The following GTF2IRD1 variants were observed in gnomAD, a reference collection of about 807,000 sequenced individuals.
The protein encoded by GTF2IRD1 is GTF2I repeat domain containing 1, also known as general transcription factor II-I repeat domain-containing protein 1.
GTF2IRD1 carries 26 observed loss-of-function variants against 113.2 expected under a neutral mutation model. That is an observed-to-expected ratio of 0.23 (90% CI 0.17 to 0.32). The LOEUF (loss-of-function observed/expected upper bound fraction) is 0.32, where lower values mean the gene tolerates loss of function less well. Among genes scored for constraint, GTF2IRD1 ranks in the 10% least tolerant of loss-of-function variants. The pLI is 1.00. For synonymous variants in GTF2IRD1, 484 were observed against 529.1 expected (o/e 0.91, Z 1.17); for missense variants, 864 against 1,280.8 (o/e 0.67, Z 4.97).
At chr7:74,519,905 G>T (rs1304294946) in intron 6 of GTF2IRD1, among the ~76,000 whole-genome samples, 186 bp downstream of exon 6, 2 of 151,916 alleles carry the variant, frequency 1.3e-5, no homozygotes, top group Non-Finnish European at 2.9e-5. Flanking sequence ...TTGGGTCTCT[G>T]CTCAGCCATC....
intron 24 of GTF2IRD1, among the ~76,000 whole-genome samples, chr7:74,593,594 G>T (rs1395910697): frequency 6.6e-6 from 1 of 151,536 alleles, no homozygotes; most frequent in Non-Finnish European, 1.5e-5. Context: ...CTAGCCGGGC[G>T]TGGCGCAGGG....
intron 22 of GTF2IRD1, among the ~76,000 whole-genome samples, chr7:74,588,483 G>A (rs1490011951): frequency 1.1e-4 from 17 of 151,964 alleles, no homozygotes; most frequent in Non-Finnish European, 2.2e-4. Flanking sequence ...CTGCCACTCC[G>A]TCCTTCACAA....
In GTF2IRD1 at chr7:74,529,866, A is replaced by G. The variant is rs782338698; in HGVS notation, c.1223A>G (p.Lys408Arg). ...FKRPCTYGVPKLKRILEERHS... is the reference protein window; with the variant it reads ...FKRPCTYGVPRLKRILEERHS... ...CGCCCCTGCACTTATGGAGTCCCCA[A>G]GCTGAAGCGGATCCTGGAGGAGCGC... The change falls in exon 9 of 27, where the codon AAG becomes AGG. Residue 408 changes from lysine to arginine, a missense_variant. Lys to Arg is a conservative substitution (Grantham distance 26, BLOSUM62 2). Transcript: ENST00000424337. 2 of 1,614,036 alleles carry G rather than the reference A, an allele frequency of 1.2e-6. No individual in the cohort carries two copies. Among genetic ancestry groups the G allele is most frequent in the South Asian group, 1.1e-5 (1 of 91,084 alleles).
chr7:74,527,615 G>T (rs1441687259), intron 8 of GTF2IRD1, among the ~76,000 whole-genome samples: 1 of 152,246 alleles, frequency 6.6e-6, no homozygotes, highest in African/African-American at 2.4e-5. Flanking sequence ...GCCAAGGCAG[G>T]CGGATCACCT....
intron 25 of GTF2IRD1, among the ~76,000 whole-genome samples, chr7:74,600,384 A>G (rs587741351): frequency 2.0e-5 from 3 of 152,160 alleles, no homozygotes; most frequent in Admixed American, 2.0e-4. Flanking sequence ...GCACCATGGC[A>G]CTCCAGCCTG....
At chr7:74,524,724 G>A (rs1797500602) in intron 8 of GTF2IRD1, among the ~76,000 whole-genome samples, 1 of 152,060 alleles carries the variant, frequency 6.6e-6, no homozygotes, top group Admixed American at 6.6e-5. Context: ...AAATTAACTG[G>A]GTGTGGTAAT....
At chr7:74,491,663 C>CT (rs1282874092) in intron 1 of GTF2IRD1, among the ~76,000 whole-genome samples, 2 of 152,126 alleles carry the variant, frequency 1.3e-5, no homozygotes, top group African/African-American at 4.8e-5. Context: ...TGATCTTGTT[C>CT]TTTTTTGTGG....
intron 1 of GTF2IRD1, among the ~76,000 whole-genome samples, chr7:74,469,174 G>A (rs1793935414): frequency 1.3e-5 from 2 of 152,050 alleles, no homozygotes; most frequent in South Asian, 4.1e-4. Flanking sequence ...CCTGTGAGTA[G>A]GTATTTGGAG....
At chr7:74,534,979 C>T (rs1234720735) in intron 9 of GTF2IRD1, 134 bp from the exon 10 acceptor site, 22 of 721,268 alleles carry the variant, frequency 3.1e-5, no homozygotes, top group Non-Finnish European at 4.1e-5. Context: ...GCATGTCTGC[C>T]GGATGCCCAG....
At chr7:74,591,622 TGCCCGCCTCA>T (rs1368052515) in intron 24 of GTF2IRD1, among the ~76,000 whole-genome samples, 8 of 151,992 alleles carry the variant, frequency 5.3e-5, no homozygotes, top group African/African-American at 1.9e-4. Context: ...TGAAGTGATC[TGCCCGCCTCA>T]GCCTCCCAAA....
intron 2 of GTF2IRD1, among the ~76,000 whole-genome samples, chr7:74,511,405 C>T (rs1448378465): frequency 2.0e-5 from 3 of 152,320 alleles, no homozygotes; most frequent in Middle Eastern, 3.4e-3. Context: ...TTCAGCTGAG[C>T]GGTGACTGTG....
chr7:74,538,925 C>A (rs1426230416), intron 13 of GTF2IRD1, among the ~76,000 whole-genome samples, 165 bp downstream of exon 13: 6 of 152,168 alleles, frequency 3.9e-5, no homozygotes, highest in African/African-American at 1.4e-4. Flanking sequence ...ACATCTGTCC[C>A]CTGCGTTGTG....
At chr7:74,540,968 T>C (rs1467112619) in intron 14 of GTF2IRD1, among the ~76,000 whole-genome samples, 7 of 151,576 alleles carry the variant, frequency 4.6e-5, no homozygotes, top group Non-Finnish European at 8.8e-5. Flanking sequence ...TTCACCATGA[T>C]GGTCAGGCAG....
At chr7:74,565,341 A>G (rs1481984436) in intron 22 of GTF2IRD1, among the ~76,000 whole-genome samples, 18 of 152,084 alleles carry the variant, frequency 1.2e-4, no homozygotes, top group Admixed American at 1.1e-3. Flanking sequence ...CCTGGGCAAC[A>G]TGGTGAAACC....
At chr7:74,479,255 C>G (rs537712222) in intron 1 of GTF2IRD1, among the ~76,000 whole-genome samples, 1 of 152,258 alleles carries the variant, frequency 6.6e-6, no homozygotes, top group Non-Finnish European at 1.5e-5. Flanking sequence ...TTCCGAGATC[C>G]TTGGCCTCAC....
intron 1 of GTF2IRD1, among the ~76,000 whole-genome samples, chr7:74,503,360 AC>A (rs1796135994): frequency 6.6e-6 from 1 of 152,126 alleles, no homozygotes; most frequent in African/African-American, 2.4e-5. Context: ...TCGCTCTTCT[AC>A]TATTCTCGGA....
At chr7:74,576,096 G>A (rs1320311400) in intron 22 of GTF2IRD1, among the ~76,000 whole-genome samples, 2 of 152,026 alleles carry the variant, frequency 1.3e-5, no homozygotes, top group African/African-American at 2.4e-5. Context: ...AGGAGGTCAG[G>A]CTGCAGTGAG....
At chr7:74,464,351 C>T (rs1425031871) in intron 1 of GTF2IRD1, among the ~76,000 whole-genome samples, 5 of 152,152 alleles carry the variant, frequency 3.3e-5, no homozygotes, top group African/African-American at 7.2e-5. Context: ...CCAGGGCTCT[C>T]GGCTTCCTAA....
chr7:74,531,311 C>T (rs1480866783), intron 9 of GTF2IRD1, among the ~76,000 whole-genome samples: 3 of 152,106 alleles, frequency 2.0e-5, no homozygotes, highest in Non-Finnish European at 2.9e-5. Flanking sequence ...ACAGAGATTG[C>T]AGTGAGCCAA....
Sources: allele counts gnomAD v4.1 joint callset (sites outside exome capture counted in the v4.1 genomes callset), GRCh38; gene constraint gnomAD v4.1.1; transcripts MANE v1.5; gene names NCBI Gene and HGNC (gene_info 2026-07-23, HGNC 2026-07-21).